NTSR1: variants seen among roughly 807,000 people sequenced by gnomAD.
NTSR1 encodes the protein neurotensin receptor type 1.
Under a neutral mutation model 31.2 loss-of-function variants are expected in NTSR1, and 29 were observed. That is an observed-to-expected ratio of 0.93 (90% CI 0.69 to 1.27). The LOEUF (loss-of-function observed/expected upper bound fraction) is 1.27, where lower values mean the gene tolerates loss of function less well. NTSR1 is among the 50% of genes most tolerant of loss of function. The pLI is 0.00. For missense variants in NTSR1, 697 were observed against 595.4 expected (o/e 1.17, Z -1.78); for synonymous variants, 282 against 269.9 (o/e 1.04, Z -0.44).
Position 62,760,524 on chromosome 20 carries a change from C to A in NTSR1, c.*257C>A. 1 of 444,848 alleles carries A rather than the reference C, an allele frequency of 2.2e-6. No homozygotes were observed. Among genetic ancestry groups the A allele is most frequent in the Non-Finnish European group, 4.0e-6 (1 of 249,416 alleles). 27.6% of individuals were successfully genotyped at this position (444,848 alleles called of 1,614,324 possible). The stretch of plus-strand genomic sequence containing the variant: ...CCAGAACAAGAGAGCGCTCCTCTCC[C>A]AGATAGGAAAAGGGCCTCTAACAAG... On this transcript the variant is annotated 3_prime_UTR_variant, in exon 4 of 4. Coordinates refer to ENST00000370501, the MANE Select transcript of NTSR1 (RefSeq NM_002531.3).
At chr20:62,720,552 A>G (rs1988813122) in intron 1 of NTSR1, among the ~76,000 whole-genome samples, 1 of 152,116 alleles carries the variant, frequency 6.6e-6, no homozygotes, top group Non-Finnish European at 1.5e-5. Context: ...CAATATGGCT[A>G]GGATTTTATT....
rs1348153305 is a variant in NTSR1, at chr20:62,709,577, C to T, written c.370C>T (p.Leu124=). ...CCTGCTGCTGGCCATGCCCGTGGAGCTGTACAACTTCATCTGGGTGCACCA... is the reference window on the plus strand; with the variant it reads ...CCTGCTGCTGGCCATGCCCGTGGAGTTGTACAACTTCATCTGGGTGCACCA... ...LTLLLAMPVE[L]YNFIWVHHPW... Residue 124 remains leucine, a synonymous_variant, in exon 1 of 4, where the codon CTG becomes TTG. Coordinates refer to ENST00000370501, the MANE Select transcript of NTSR1 (RefSeq NM_002531.3). 1 of 1,611,710 alleles carries T rather than the reference C, an allele frequency of 6.2e-7. No homozygotes were observed. Among genetic ancestry groups the T allele is most frequent in the Non-Finnish European group, 8.5e-7 (1 of 1,179,884 alleles).
In NTSR1 at chr20:62,761,250, T is replaced by A. The variant is rs1347441172; in HGVS notation, c.*983T>A. The A allele has an allele frequency of 6.6e-6, 1 of 152,238 alleles. No individual in the cohort carries two copies. The highest frequency in any genetic ancestry group is 1.5e-5 in the Non-Finnish European group (1 of 68,138). 9.4% of individuals were successfully genotyped at this position (152,238 alleles called of 1,614,324 possible). A position where few individuals can be genotyped will look rare whatever the true frequency, so the allele number is the denominator to read the frequency against. On this transcript the variant is annotated 3_prime_UTR_variant, in exon 4 of 4. Coordinates refer to ENST00000370501, the MANE Select transcript of NTSR1 (RefSeq NM_002531.3). ...CAGGGTGGGGCCTTGAGAAGGGGAA[T>A]GTGGGACAGGGGCGATGGTGCCTGG... is the stretch of plus-strand genomic sequence containing the variant.
At chr20:62,728,282 TC>T (rs1323807049) in intron 1 of NTSR1, among the ~76,000 whole-genome samples, 5 of 152,022 alleles carry the variant, frequency 3.3e-5, no homozygotes, top group South Asian at 2.1e-4. Context: ...TCTCTTTCCC[TC>T]CCCGGCTACT....
chr20:62,717,867 A>G (rs1988760200), intron 1 of NTSR1, among the ~76,000 whole-genome samples: 2 of 152,240 alleles, frequency 1.3e-5, no homozygotes, highest in African/African-American at 4.8e-5. Flanking sequence ...GACAGAAAAT[A>G]AGCGAAATAA....
chr20:62,725,505 G>T (rs1041399388), intron 1 of NTSR1, among the ~76,000 whole-genome samples: 5 of 152,214 alleles, frequency 3.3e-5, no homozygotes, highest in Non-Finnish European at 5.9e-5. Flanking sequence ...CACTCCTCTT[G>T]CTCCCTGGGG....
At position 62,748,431 on chromosome 20, in the gene NTSR1, C is replaced by T. The variant is rs541748090; in HGVS notation, c.715-6254C>T. Among the ~76,000 whole-genome samples the T allele has an allele frequency of 4.6e-5, 7 of 152,108 alleles. No homozygotes were observed. In the South Asian group the frequency reaches 1.4e-3, roughly 32 times the overall value. On this transcript the variant is annotated intron_variant, in intron 1 of 3. Transcript: ENST00000370501. Reference sequence around the variant, plus strand: ...TTACACAGAAATAGAAAAAAAAATCCTAGGATTCATAGTGAACCACAACAG... The same window carrying T: ...TTACACAGAAATAGAAAAAAAAATCTTAGGATTCATAGTGAACCACAACAG...
intron 1 of NTSR1, among the ~76,000 whole-genome samples, chr20:62,736,066 G>A (rs1394039946): frequency 6.6e-6 from 1 of 152,216 alleles, no homozygotes; most frequent in African/African-American, 2.4e-5. Flanking sequence ...TCAGTATGTG[G>A]TGATCACAAA....
intron 3 of NTSR1, 77 bp from the exon 4 acceptor site, chr20:62,759,941 T>C: frequency 6.8e-7 from 1 of 1,461,360 alleles, no homozygotes; most frequent in Non-Finnish European, 9.5e-7. Flanking sequence ...CCTCAGCCGC[T>C]GTGGCCCCGG....
chr20:62,752,417 C>T (rs532913853), intron 1 of NTSR1, among the ~76,000 whole-genome samples: 1 of 150,968 alleles, frequency 6.6e-6, no homozygotes. Context: ...CCCTCACCCC[C>T]CAATCCTACT....
intron 1 of NTSR1, among the ~76,000 whole-genome samples, chr20:62,712,063 T>C (rs1988627126): frequency 6.6e-6 from 1 of 152,224 alleles, no homozygotes; most frequent in Admixed American, 6.5e-5. Context: ...CTCCATCCGA[T>C]GCTGATGACC....
At chr20:62,752,857 C>T (rs910766922) in intron 1 of NTSR1, among the ~76,000 whole-genome samples, 1 of 152,066 alleles carries the variant, frequency 6.6e-6, no homozygotes, top group African/African-American at 2.4e-5. Context: ...TGTTGTCCTG[C>T]AGAAGGTGGA....
intron 3 of NTSR1, among the ~76,000 whole-genome samples, chr20:62,759,279 A>T (rs949048444): frequency 6.6e-6 from 1 of 152,108 alleles, no homozygotes; most frequent in Non-Finnish European, 1.5e-5. Flanking sequence ...AGGGAGTGAG[A>T]TCACTGTGGG....
rs1188880438 is a variant in NTSR1, at chr20:62,732,553, T to C, written c.715-22132T>C. ...GCTGCTATTTGTGTAATTCTTAGTATGTGGTGCTGGTTGGGAAATCCTGTG... is the reference window on the plus strand; with the variant it reads ...GCTGCTATTTGTGTAATTCTTAGTACGTGGTGCTGGTTGGGAAATCCTGTG... On this transcript the variant is annotated intron_variant, in intron 1 of 3. Coordinates refer to ENST00000370501, the MANE Select transcript of NTSR1 (RefSeq NM_002531.3). This position sits in a 1 kb window ranked among gnomAD's most constrained non-coding sequence, Gnocchi z 4.0. The C allele has an allele frequency of 6.6e-6, 1 of 152,180 alleles. No homozygotes were observed. The highest frequency in any genetic ancestry group is 1.5e-5 in the Non-Finnish European group (1 of 68,034). The allele number at this position is 152,180 out of a possible 1,614,324, so 9.4% of individuals were successfully genotyped here.
intron 1 of NTSR1, among the ~76,000 whole-genome samples, chr20:62,736,417 G>A (rs1945759183): frequency 6.6e-6 from 1 of 152,254 alleles, no homozygotes; most frequent in Non-Finnish European, 1.5e-5. Flanking sequence ...AGTTCCAGAA[G>A]CTTCCCTGAG....
Position 62,741,539 on chromosome 20 carries a change from A to G in NTSR1, c.715-13146A>G, listed in dbSNP as rs548720903. Among the ~76,000 whole-genome samples the G allele has an allele frequency of 3.2e-4, 47 of 148,692 alleles. 5 individuals carry two copies. The highest frequency in any genetic ancestry group is 1.0e-3 in the African/African-American group (41 of 39,758). On this transcript the variant is annotated intron_variant, in intron 1 of 3. Coordinates refer to ENST00000370501, the MANE Select transcript of NTSR1 (RefSeq NM_002531.3). This position sits in a 1 kb window ranked among gnomAD's most constrained non-coding sequence, Gnocchi z 4.3. ...CCCTGCCCCACACCATGTTCCTCCCACCCCATGTCTGTGCGCCCCTTCGAG... is the reference window on the plus strand; with the variant it reads ...CCCTGCCCCACACCATGTTCCTCCCGCCCCATGTCTGTGCGCCCCTTCGAG...
chr20:62,709,510 G>A lies in NTSR1; in HGVS notation c.303G>A (p.Val101=). The stretch of plus-strand genomic sequence containing the variant: ...CGCTGCAGAGCCTGCAGAGCACGGT[G>A]CATTACCACCTGGGCAGCCTGGCGC... ...KKSLQSLQST[V]HYHLGSLALS... Residue 101 remains valine, a synonymous_variant, in exon 1 of 4, where the codon GTG becomes GTA. Coordinates refer to ENST00000370501, the MANE Select transcript of NTSR1 (RefSeq NM_002531.3). The A allele has an allele frequency of 6.2e-7, 1 of 1,612,540 alleles. No individual in the cohort carries two copies. Among genetic ancestry groups the A allele is most frequent in the East Asian group, 2.2e-5 (1 of 44,880 alleles).
chr20:62,747,610 C>T (rs1396154210), intron 1 of NTSR1, among the ~76,000 whole-genome samples: 1 of 152,180 alleles, frequency 6.6e-6, no homozygotes, highest in Non-Finnish European at 1.5e-5. Flanking sequence ...AGCAAGGATG[C>T]ACTACTCAAC....
intron 1 of NTSR1, among the ~76,000 whole-genome samples, chr20:62,735,021 G>A (rs1292562506): frequency 6.6e-6 from 1 of 152,150 alleles, no homozygotes; most frequent in African/African-American, 2.4e-5. Context: ...TGCCGCGTGC[G>A]GGGTGCCAGG....
Sources: allele counts gnomAD v4.1 joint callset (sites outside exome capture counted in the v4.1 genomes callset), GRCh38; gene constraint gnomAD v4.1.1; non-coding constraint Gnocchi (gnomAD v3.1); transcripts MANE v1.5; gene names NCBI Gene and HGNC (gene_info 2026-07-23, HGNC 2026-07-21).